The following ASB4 variants were observed in gnomAD, a reference collection of about 807,000 sequenced individuals.
The protein encoded by ASB4 is ankyrin repeat and SOCS box containing 4.
A neutral mutation model predicts 38.6 loss-of-function variants in ASB4; 35 were observed. The ratio of observed to expected loss-of-function variants is 0.91; its 90% CI spans 0.69 to 1.20. The LOEUF (loss-of-function observed/expected upper bound fraction) is 1.20, where lower values mean the gene tolerates loss of function less well. ASB4 is among the 50% of genes most tolerant of loss of function. The pLI, the probability that ASB4 is intolerant of heterozygous loss-of-function variation, is 0.00. For missense variants in ASB4, 557 were observed against 527.2 expected, an observed-to-expected ratio of 1.06 and a Z score of -0.55; for synonymous variants, 195 against 201.3, an observed-to-expected ratio of 0.97 and a Z score of 0.26.
chr7:95,497,994 G>A (rs878994058), intron 2 of ASB4, among the ~76,000 whole-genome samples: 4 of 152,150 alleles, frequency 2.6e-5, no homozygotes, highest in Admixed American at 2.6e-4. Context: ...ATAAACATTT[G>A]CATACAGGTT....
At chr7:95,473,512 G>A (rs1789944615), upstream of ASB4, among the ~76,000 whole-genome samples, 4 of 152,116 alleles carry the variant, frequency 2.6e-5, no homozygotes, top group Non-Finnish European at 5.9e-5. Context: ...GCTAGACCTC[G>A]TACTGTTTGT....
At chr7:95,546,417 TTAAA>T in the ASB4 span, among the ~76,000 whole-genome samples, 3 of 152,040 alleles carry the variant, frequency 2.0e-5, no homozygotes, top group African/African-American at 7.2e-5. Flanking sequence ...CCAATGATTC[TTAAA>T]TATTTTTTTT....
intron 2 of ASB4, among the ~76,000 whole-genome samples, chr7:95,526,595 T>C (rs1790740386): frequency 6.6e-6 from 1 of 152,204 alleles, no homozygotes; most frequent in South Asian, 2.1e-4. Context: ...TATTAACCTC[T>C]CTGAGTACAA....
At chr7:95,531,484 C>T (rs1312316888) in intron 3 of ASB4, among the ~76,000 whole-genome samples, 2 of 152,170 alleles carry the variant, frequency 1.3e-5, no homozygotes, top group Non-Finnish European at 2.9e-5. Flanking sequence ...TAGTAATAGC[C>T]TTCTTGTAAG....
chr7:95,496,313 T>G (rs925852177), intron 2 of ASB4: 7 of 379,452 alleles, frequency 1.8e-5, no homozygotes, highest in Non-Finnish European at 3.3e-5. Context: ...GCTCCTATTA[T>G]GCATCAGGTA....
At chr7:95,541,468 T>G (rs1790969626), downstream of ASB4, among the ~76,000 whole-genome samples, 1 of 152,140 alleles carries the variant, frequency 6.6e-6, no homozygotes, top group Non-Finnish European at 1.5e-5. Flanking sequence ...TTCTATTCAC[T>G]TTGGGAACTG....
At chr7:95,520,954 T>C (rs1585813729) in intron 2 of ASB4, among the ~76,000 whole-genome samples, 1 of 152,296 alleles carries the variant, frequency 6.6e-6, no homozygotes, top group South Asian at 2.1e-4. Flanking sequence ...TTCTTTCTCA[T>C]TCTTTTTACT....
At chr7:95,484,629 G>T (rs188504385), upstream of ASB4, among the ~76,000 whole-genome samples, 2 of 152,234 alleles carry the variant, frequency 1.3e-5, no homozygotes, top group East Asian at 3.9e-4. Flanking sequence ...GAATCAAATA[G>T]TATCATTGTA....
chr7:95,515,218 TTTCTTTCTTTC>T (rs1562817009), intron 2 of ASB4, among the ~76,000 whole-genome samples: 3 of 120,804 alleles, frequency 2.5e-5, no homozygotes, highest in African/African-American at 4.1e-5. Flanking sequence ...TCTTTCTTTC[TTTCTTTCTTTC>T]TTTTTCTTTC....
At chr7:95,512,098 T>C (rs576533969) in intron 2 of ASB4, among the ~76,000 whole-genome samples, 1 of 152,174 alleles carries the variant, frequency 6.6e-6, no homozygotes, top group Admixed American at 6.5e-5. Flanking sequence ...TGCTATCTTC[T>C]GTAACACTTG....
intron 2 of ASB4, among the ~76,000 whole-genome samples, chr7:95,522,514 T>C (rs1790677696): frequency 1.3e-5 from 2 of 152,194 alleles, no homozygotes; most frequent in South Asian, 4.1e-4. Flanking sequence ...TAAATTTGCC[T>C]CTACATGTTA....
In ASB4 at chr7:95,513,253, GTTTTTTTTTTTT is replaced by G. The variant is rs536945120; in HGVS notation, c.488-14550_488-14539del. Among the ~76,000 whole-genome samples the G allele has an allele frequency of 7.4e-3, 572 of 77,050 alleles. 10 individuals are homozygous for G. The highest frequency in any genetic ancestry group is 0.029 in the African/African-American group (533 of 18,328). 50.5% of individuals were successfully genotyped at this position (77,050 alleles called of 152,430 possible). A position where few individuals can be genotyped will look rare whatever the true frequency, so the allele number is the denominator to read the frequency against. On this transcript the variant is annotated intron_variant, in intron 2 of 4. Transcript: ENST00000325885. ...TCAGGGTTTTTTTTGTTTTTTGTTT[GTTTTTTTTTTTT>G]TTTTTTTTTAGAAATCGAGCCAATA...
intron 2 of ASB4, among the ~76,000 whole-genome samples, chr7:95,517,728 G>C (rs1790604005): frequency 6.6e-6 from 1 of 152,158 alleles, no homozygotes; most frequent in Non-Finnish European, 1.5e-5. Context: ...CGTCTGAGCA[G>C]TTCCAGTGGA....
chr7:95,493,793 T>A (rs1790207864), intron 1 of ASB4, among the ~76,000 whole-genome samples: 1 of 152,160 alleles, frequency 6.6e-6, no homozygotes, highest in Admixed American at 6.6e-5. Context: ...ACTGTTTGGC[T>A]CCCTGCTTCT....
At chr7:95,513,293 A>ATGTGTGTGTGTG (rs3046862) in intron 2 of ASB4, among the ~76,000 whole-genome samples, 1,760 of 89,134 alleles carry the variant, frequency 0.02, 26 homozygotes, top group Middle Eastern at 0.028. Context: ...AGCCAATAGA[A>ATGTGTGTGTGTG]TGTGTGTGTG....
At chr7:95,472,776 A>G in the ASB4 span, among the ~76,000 whole-genome samples, 1 of 152,182 alleles carries the variant, frequency 6.6e-6, no homozygotes, top group African/African-American at 2.4e-5. Flanking sequence ...GCTAGCCCCA[A>G]GGAGCACTCC....
intron 1 of ASB4, among the ~76,000 whole-genome samples, chr7:95,480,083 C>A (rs1790010114): frequency 6.6e-6 from 1 of 152,150 alleles, no homozygotes; most frequent in Non-Finnish European, 1.5e-5. Context: ...TTCCCAGGAC[C>A]AACCTGGAAG....
upstream of ASB4, among the ~76,000 whole-genome samples, chr7:95,476,660 G>A (rs1789980505): frequency 6.6e-6 from 1 of 152,144 alleles, no homozygotes. Flanking sequence ...TTTTTAGAAA[G>A]GACTCAGGAA....
Position 95,495,981 on chromosome 7 carries a change from C to T in ASB4, c.411C>T (p.Ser137=), listed in dbSNP as rs147091900. 7.1e-4 allele frequency: 1,145 copies of T among 1,613,976 alleles called. 3 individuals are homozygous for T. The highest frequency in any genetic ancestry group is 2.3e-3 in the Middle Eastern group (14 of 6,076). The stretch of plus-strand genomic sequence containing the variant: ...GTGGGGCAAAGCTCAATTGCTACTC[C>T]TTAAGTGGACACACAGCTTTGCACT... ...CDRGAKLNCY[S]LSGHTALHFC... Residue 137 remains serine (S), a synonymous_variant, in exon 2 of 5, where the codon TCC becomes TCT. Coordinates refer to ENST00000325885, the MANE Select transcript of ASB4 (RefSeq NM_016116.3).
Sources: allele counts gnomAD v4.1 joint callset (sites outside exome capture counted in the v4.1 genomes callset), GRCh38; gene constraint gnomAD v4.1.1; transcripts MANE v1.5; gene names NCBI Gene and HGNC (gene_info 2026-07-23, HGNC 2026-07-21).